Variants in CCDC7 observed in about 807,000 individuals in gnomAD.
CCDC7 encodes the protein coiled-coil domain containing 7.
Under a neutral mutation model 196.9 loss-of-function variants are expected in CCDC7, and 183 were observed. The ratio of observed to expected loss-of-function variants is 0.93; its 90% CI spans 0.82 to 1.05. CCDC7 has a LOEUF of 1.05. Ranked by LOEUF, CCDC7 falls within the 50% of genes least tolerant of loss-of-function variation. CCDC7 has a pLI of 0.00. For synonymous variants in CCDC7, 525 were observed against 484.6 expected (o/e 1.08, Z -1.10); for missense variants, 1,540 against 1,482.2 (o/e 1.04, Z -0.64).
chr10:32,536,036 A>G (rs1406545752), intron 11 of CCDC7, among the ~76,000 whole-genome samples: 1 of 152,168 alleles, frequency 6.6e-6, no homozygotes, highest in Non-Finnish European at 1.5e-5. Flanking sequence ...TAGGAATTTC[A>G]GCAAGAGAGA....
rs137978809 is a variant in CCDC7, at chr10:32,713,836, G to A, written c.2569+2106G>A. 8.5e-5 allele frequency among the ~76,000 whole-genome samples: 13 copies of A among 152,310 alleles called. No individual in the cohort carries two copies. In the East Asian group the frequency reaches 1.2e-3, roughly 14 times the overall value. Reference sequence around the variant, plus strand: ...TGTTTGCTATCTGGGCAGCAGCCACGTTTTCCATGCTCAAGATTTGCCAGT... The same window carrying A: ...TGTTTGCTATCTGGGCAGCAGCCACATTTTCCATGCTCAAGATTTGCCAGT... On this transcript the variant is annotated intron_variant, in intron 25 of 41. Coordinates refer to ENST00000639629, the Ensembl canonical transcript of CCDC7.
At chr10:32,734,332 A>G (rs2084494988) in intron 28 of CCDC7, among the ~76,000 whole-genome samples, 1 of 152,178 alleles carries the variant, frequency 6.6e-6, no homozygotes. Flanking sequence ...TTAGCAAACT[A>G]ATGCAGGAAC....
intron 20 of CCDC7, among the ~76,000 whole-genome samples, chr10:32,661,975 C>T (rs1263215821): frequency 6.6e-6 from 1 of 152,032 alleles, no homozygotes; most frequent in Non-Finnish European, 1.5e-5. Context: ...CCTATATTGC[C>T]TTTGAAGTTA....
intron 18 of CCDC7, among the ~76,000 whole-genome samples, chr10:32,605,462 G>A (rs1402922642): frequency 1.3e-5 from 2 of 152,200 alleles, no homozygotes; most frequent in Non-Finnish European, 2.9e-5. Context: ...ACAAGAGGAT[G>A]AGGGAGTTTG....
intron 18 of CCDC7, among the ~76,000 whole-genome samples, chr10:32,611,573 A>C (rs2062137491): frequency 6.6e-6 from 1 of 152,150 alleles, no homozygotes; most frequent in African/African-American, 2.4e-5. Flanking sequence ...TTAAGTCTTT[A>C]ATCCATCTTG....
At chr10:32,791,529 A>G (rs1235306026) in intron 29 of CCDC7, among the ~76,000 whole-genome samples, 1 of 151,988 alleles carries the variant, frequency 6.6e-6, no homozygotes, top group Admixed American at 6.6e-5. Flanking sequence ...CAAAGATATT[A>G]TTTTAAAAAG....
chr10:32,646,419 T>C (rs1210228405), intron 20 of CCDC7, among the ~76,000 whole-genome samples: 7 of 152,304 alleles, frequency 4.6e-5, no homozygotes, highest in East Asian at 1.9e-4. Flanking sequence ...TTAAAAAAAT[T>C]GTTAAAACTT....
chr10:32,857,723 T>A (rs1034272277), intron 41 of CCDC7, among the ~76,000 whole-genome samples: 1 of 151,270 alleles, frequency 6.6e-6, no homozygotes, highest in Non-Finnish European at 1.5e-5. Context: ...CTCAAGGAGT[T>A]GGAAAAAGAA....
chr10:32,562,201 C>T (rs905535031), intron 13 of CCDC7, among the ~76,000 whole-genome samples: 1 of 152,168 alleles, frequency 6.6e-6, no homozygotes, highest in Non-Finnish European at 1.5e-5. Flanking sequence ...GATGGATTCA[C>T]AGCCGAATTC....
At chr10:32,561,495 C>A (rs2055623160) in intron 13 of CCDC7, among the ~76,000 whole-genome samples, 1 of 152,190 alleles carries the variant, frequency 6.6e-6, no homozygotes, top group Admixed American at 6.5e-5. Context: ...GATTAACAAA[C>A]TCACTCAAAA....
intron 21 of CCDC7, 24 bp from the exon 23 acceptor site, chr10:32,685,946 A>AAATAGATAAATTC: frequency 7.7e-7 from 1 of 1,298,036 alleles, no homozygotes; most frequent in Non-Finnish European, 1.1e-6. Flanking sequence ...TATTTAGTGG[A>AAATAGATAAATTC]ATAAATGTAT....
chr10:32,508,431 A>C lies in CCDC7; in HGVS notation c.873-9514A>C, dbSNP rs1330525063. 3.3e-5 allele frequency among the ~76,000 whole-genome samples: 5 copies of C among 152,352 alleles called. No homozygotes were observed. In the East Asian group the frequency reaches 5.8e-4, roughly 18 times the overall value. Reference sequence around the variant, plus strand: ...GGACAGTATTGTATGTTCATGGATTAGAAGAGTTAATAGTGTTGCAAATAA... The same window carrying C: ...GGACAGTATTGTATGTTCATGGATTCGAAGAGTTAATAGTGTTGCAAATAA... On this transcript the variant is annotated intron_variant, in intron 9 of 41. Transcript: ENST00000639629.
At chr10:32,668,211 A>G (rs1565050895) in intron 21 of CCDC7, among the ~76,000 whole-genome samples, 1 of 152,158 alleles carries the variant, frequency 6.6e-6, no homozygotes, top group Admixed American at 6.5e-5. Context: ...ATTTTTGCAC[A>G]TTGATTTTGT....
chr10:32,873,083 C>T (rs2094486803), intron 41 of CCDC7, among the ~76,000 whole-genome samples: 1 of 152,016 alleles, frequency 6.6e-6, no homozygotes, highest in African/African-American at 2.4e-5. Flanking sequence ...GAATGTTGGC[C>T]TGCCTTGCTA....
At chr10:32,705,264 G>A (rs1185237450) in intron 24 of CCDC7, among the ~76,000 whole-genome samples, 4 of 152,100 alleles carry the variant, frequency 2.6e-5, no homozygotes, top group Admixed American at 2.0e-4. Context: ...AGACAAGCAA[G>A]TAGTGAGAGA....
At chr10:32,478,080 G>C (rs2039325764) in intron 8 of CCDC7, among the ~76,000 whole-genome samples, 1 of 152,044 alleles carries the variant, frequency 6.6e-6, no homozygotes, top group Non-Finnish European at 1.5e-5. Context: ...ACACTGAAGT[G>C]TTGAAATTTC....
chr10:32,503,854 T>C (rs1206337878), intron 9 of CCDC7, among the ~76,000 whole-genome samples: 1 of 152,068 alleles, frequency 6.6e-6, no homozygotes, highest in South Asian at 2.1e-4. Flanking sequence ...TGGTAGGTTG[T>C]ATGTTTCCAG....
chr10:32,581,432 C>T (rs573949641), intron 16 of CCDC7, among the ~76,000 whole-genome samples: 31 of 152,068 alleles, frequency 2.0e-4, no homozygotes, highest in Admixed American at 1.6e-3. Context: ...TCAACTCCTC[C>T]TCTTCCTTCT....
intron 25 of CCDC7, among the ~76,000 whole-genome samples, chr10:32,720,562 T>TA (rs1038399323): frequency 2.6e-5 from 4 of 152,146 alleles, no homozygotes; most frequent in African/African-American, 9.7e-5. Context: ...TCCCAGAACT[T>TA]AAACTATAAT....
Sources: allele counts gnomAD v4.1 joint callset (sites outside exome capture counted in the v4.1 genomes callset), GRCh38; gene constraint gnomAD v4.1.1; transcripts MANE v1.5; gene names NCBI Gene and HGNC (gene_info 2026-07-23, HGNC 2026-07-21).